Variants in DRC1 observed in about 807,000 individuals in gnomAD.
DRC1 encodes the protein dynein regulatory complex subunit 1.
Under a neutral mutation model 98.7 loss-of-function variants are expected in DRC1, and 74 were observed. That is an observed-to-expected ratio of 0.75 (90% CI 0.62 to 0.91). The LOEUF is 0.91. DRC1 is among the 40% of genes least tolerant of loss of function. The pLI is 0.00. For missense variants in DRC1, 875 were observed against 886.0 expected (o/e 0.99, Z 0.16); for synonymous variants, 336 against 334.1 (o/e 1.01, Z -0.06).
intron 2 of DRC1, among the ~76,000 whole-genome samples, chr2:26,417,640 A>G (rs549657408): frequency 6.6e-5 from 10 of 152,318 alleles, no homozygotes; most frequent in African/African-American, 2.4e-4. Context: ...TGTCTTGGCT[A>G]TTCTTGACAT....
chr2:26,455,312 G>A (rs1664121927), intron 16 of DRC1, 79 bp downstream of exon 16: 11 of 1,352,440 alleles, frequency 8.1e-6, no homozygotes, highest in East Asian at 2.3e-5. Context: ...ATTAGGGAAC[G>A]AGGAGTCCCC....
intron 2 of DRC1, among the ~76,000 whole-genome samples, chr2:26,418,901 T>C (rs1280424533): frequency 7.0e-6 from 1 of 143,274 alleles, no homozygotes; most frequent in Non-Finnish European, 1.5e-5. Flanking sequence ...ATTATATATA[T>C]ATTTTGAGAC....
chr2:26,422,984 C>T (rs574210688), intron 3 of DRC1, among the ~76,000 whole-genome samples: 7 of 151,570 alleles, frequency 4.6e-5, no homozygotes, highest in East Asian at 1.9e-4. Flanking sequence ...ACACAGGGGT[C>T]GATTTTAACA....
In DRC1 at chr2:26,402,144, G is replaced by C. The variant is rs1341994586; in HGVS notation, c.155G>C (p.Arg52Pro). Residue 52 changes from arginine (R) to proline (P), a missense_variant and splice_region_variant, in exon 1 of 17, where the codon CGG becomes CCG. Physicochemically the swap from Arg to Pro is moderately radical, Grantham distance 103. Transcript: ENST00000288710. ...RIAARLEARRREALGEYLDGK... is the reference protein window; with the variant it reads ...RIAARLEARRPEALGEYLDGK... ...GCTGCGCGCTTAGAAGCCCGGAGGC[G>C]GTGAGCGCGGGGGCGGGCGGGGCGG... 6.3e-7 allele frequency: 1 copy of C among 1,598,694 alleles called. No homozygotes were observed. The highest frequency in any genetic ancestry group is 1.1e-5 in the South Asian group (1 of 89,128).
intron 2 of DRC1, 190 bp from the exon 3 acceptor site, chr2:26,421,098 A>T: frequency 2.2e-6 from 1 of 450,916 alleles, no homozygotes; most frequent in East Asian, 4.3e-5. Context: ...TGTGAGCTGT[A>T]AAATCACATC....
At chr2:26,419,109 G>A (rs933000138) in intron 2 of DRC1, among the ~76,000 whole-genome samples, 1 of 151,788 alleles carries the variant, frequency 6.6e-6, no homozygotes, top group Non-Finnish European at 1.5e-5. Context: ...GGCTGGTCTT[G>A]AACTCCTGGC....
chr2:26,404,312 G>T (rs1393217515), intron 1 of DRC1, among the ~76,000 whole-genome samples: 1 of 152,204 alleles, frequency 6.6e-6, no homozygotes, highest in Non-Finnish European at 1.5e-5. Context: ...TGACCGACTT[G>T]TGAGTGTATA....
chr2:26,428,854 A>T (rs541718092), intron 4 of DRC1, among the ~76,000 whole-genome samples: 1 of 152,126 alleles, frequency 6.6e-6, no homozygotes, highest in South Asian at 2.1e-4. Flanking sequence ...TATGTGGTCC[A>T]TCATGGACTG....
Position 26,448,535 on chromosome 2 carries a change from C to A in DRC1, c.1397-156C>A. The A allele has an allele frequency of 3.6e-6, 3 of 824,412 alleles. No homozygotes were observed. In the East Asian group the frequency reaches 8.0e-5, roughly 22 times the overall value. 51.1% of individuals were successfully genotyped at this position (824,412 alleles called of 1,614,324 possible). A position where few individuals can be genotyped will look rare whatever the true frequency, so the allele number is the denominator to read the frequency against. On this transcript the variant is annotated intron_variant, in intron 10 of 16. Coordinates refer to ENST00000288710, the MANE Select transcript of DRC1 (RefSeq NM_145038.5). Reference sequence around the variant, plus strand: ...GCCCGCCTTCCCGCCACGTAATAGGCTTTTTTCATCATAAAGAGACTGAGA... The same window carrying A: ...GCCCGCCTTCCCGCCACGTAATAGGATTTTTTCATCATAAAGAGACTGAGA...
At position 26,444,254 on chromosome 2, in the gene DRC1, A is replaced by G. The variant is rs1248428067; in HGVS notation, c.1061A>G (p.Lys354Arg). ...GATATACTTAACAATCTGAGATCAA[A>G]ATATGCCAAGCAAATAAAGCAGTTT... ...LHDILNNLRS[K>R]YAKQIKQFQE... is the part of the protein sequence containing the mutation. Residue 354 changes from lysine to arginine, a missense_variant, in exon 9 of 17, where the codon AAA (lysine) becomes AGA (arginine). Coordinates refer to ENST00000288710, the MANE Select transcript of DRC1 (RefSeq NM_145038.5). 2 of 1,614,208 alleles carry G rather than the reference A, an allele frequency of 1.2e-6. No individual in the cohort carries two copies. Among genetic ancestry groups the G allele is most frequent in the Non-Finnish European group, 8.5e-7 (1 of 1,180,044 alleles).
At chr2:26,402,943 A>T (rs529122072) in intron 1 of DRC1, among the ~76,000 whole-genome samples, 1 of 152,370 alleles carries the variant, frequency 6.6e-6, no homozygotes, top group South Asian at 2.1e-4. Flanking sequence ...TTTTCGGATC[A>T]TATGGCCTCT....
chr2:26,445,691 G>A (rs1455636613), intron 10 of DRC1, among the ~76,000 whole-genome samples: 1 of 151,910 alleles, frequency 6.6e-6, no homozygotes, highest in Non-Finnish European at 1.5e-5. Context: ...ACAGAGTCTC[G>A]CTCTGTTGCC....
intron 7 of DRC1, among the ~76,000 whole-genome samples, chr2:26,434,226 A>C (rs1285120491): frequency 1.3e-5 from 2 of 152,228 alleles, no homozygotes; most frequent in East Asian, 1.9e-4. Context: ...GAAGTAAAAA[A>C]AAATGTCTTA....
intron 7 of DRC1, among the ~76,000 whole-genome samples, chr2:26,436,803 A>T (rs1663584284): frequency 6.6e-6 from 1 of 152,184 alleles, no homozygotes; most frequent in African/African-American, 2.4e-5. Context: ...CCAGGAGAAG[A>T]AGGAGGGCTT....
At chr2:26,431,030 G>A (rs1390306463) in intron 6 of DRC1, among the ~76,000 whole-genome samples, 158 bp downstream of exon 6, 2 of 137,998 alleles carry the variant, frequency 1.4e-5, no homozygotes, top group African/African-American at 2.7e-5. Flanking sequence ...GAGCAATCTC[G>A]GCTCACTGCA....
Position 26,455,140 on chromosome 2 carries a change from G to T in DRC1, c.2073G>T (p.Leu691=), listed in dbSNP as rs1226445606. The T allele has an allele frequency of 1.4e-5, 23 of 1,613,922 alleles. No homozygotes were observed. Among genetic ancestry groups the T allele is most frequent in the Non-Finnish European group, 1.7e-5 (20 of 1,180,038 alleles). ...YTALEKYHLV[L]TQRAKLLLEN... ...ATTTTTCTGTCCAAAGCCTTGTCCT[G>T]ACCCAGAGGGCCAAGCTGCTGCTGG... The change falls in exon 16 of 17, where the codon CTG becomes CTT. Residue 691 remains leucine, a synonymous_variant. Transcript: ENST00000288710.
At chr2:26,430,938 G>C in intron 6 of DRC1, 66 bp downstream of exon 6, 1 of 1,149,908 alleles carries the variant, frequency 8.7e-7, no homozygotes, top group Non-Finnish European at 1.2e-6. Flanking sequence ...GACTGAATTT[G>C]CTAGCTAGCC....
At chr2:26,456,343 G>A (rs1275578737) in intron 16 of DRC1, 118 bp from the exon 17 acceptor site, 2 of 1,243,568 alleles carry the variant, frequency 1.6e-6, no homozygotes, top group Non-Finnish European at 2.3e-6. Flanking sequence ...TCTCAGCTTT[G>A]GAGAGGAGAT....
At chr2:26,426,609 C>A (rs1470061673) in intron 4 of DRC1, among the ~76,000 whole-genome samples, 1 of 152,062 alleles carries the variant, frequency 6.6e-6, no homozygotes, top group African/African-American at 2.4e-5. Context: ...TCAGGTGACC[C>A]ACCTACCTCA....
Sources: gnomAD v4.1 joint callset for allele counts (sites outside exome capture counted in the v4.1 genomes callset) on GRCh38, gnomAD v4.1.1 for gene constraint, MANE v1.5 for transcripts, NCBI Gene and HGNC (gene_info 2026-07-23, HGNC 2026-07-21) for gene names.